Variants in CHN2 observed in about 807,000 individuals in gnomAD.
CHN2 encodes beta-chimaerin.
A neutral mutation model predicts 56.3 loss-of-function variants in CHN2; 35 were observed. That is an observed-to-expected ratio of 0.62 (90% CI 0.47 to 0.82). The LOEUF is 0.82. Ranked by LOEUF, CHN2 falls within the 40% of genes least tolerant of loss-of-function variation. The pLI, the probability that CHN2 is intolerant of heterozygous loss-of-function variation, is 0.00. For missense variants in CHN2, 491 were observed against 580.5 expected (o/e 0.85, Z 1.58); for synonymous variants, 210 against 212.8 (o/e 0.99, Z 0.12).
At chr7:29,235,725 T>C (rs1443016782) in intron 1 of CHN2, among the ~76,000 whole-genome samples, 2 of 152,230 alleles carry the variant, frequency 1.3e-5, no homozygotes, top group Non-Finnish European at 1.5e-5. Context: ...AATGAAATCA[T>C]GTCCTTTGCA....
At chr7:29,392,727 C>G (rs1228237774) in intron 3 of CHN2, among the ~76,000 whole-genome samples, 2 of 152,180 alleles carry the variant, frequency 1.3e-5, no homozygotes, top group African/African-American at 4.8e-5. Flanking sequence ...ATCATGAAAT[C>G]CTGCTACTGT....
chr7:29,276,917 T>G (rs1196094854), intron 1 of CHN2, among the ~76,000 whole-genome samples: 1 of 152,198 alleles, frequency 6.6e-6, no homozygotes, highest in African/African-American at 2.4e-5. Flanking sequence ...GATCTTGTTC[T>G]AACACAAGCC....
intron 1 of CHN2, among the ~76,000 whole-genome samples, chr7:29,294,455 G>A (rs1449268510): frequency 6.6e-6 from 1 of 152,134 alleles, no homozygotes; most frequent in Non-Finnish European, 1.5e-5. Context: ...CAGCCTTTCT[G>A]TATCCACAGA....
At chr7:29,452,741 G>A (rs1360421857) in intron 6 of CHN2, among the ~76,000 whole-genome samples, 2 of 151,694 alleles carry the variant, frequency 1.3e-5, no homozygotes, top group Non-Finnish European at 3.0e-5. Context: ...ATATAAAGCT[G>A]AATTGTCAAT....
At chr7:29,392,642 T>A (rs544655644) in intron 3 of CHN2, among the ~76,000 whole-genome samples, 1 of 152,170 alleles carries the variant, frequency 6.6e-6, no homozygotes, top group Non-Finnish European at 1.5e-5. Context: ...CCTCTTCCCC[T>A]AGCTCCTAGT....
chr7:29,298,461 C>G (rs1401339777), intron 1 of CHN2, among the ~76,000 whole-genome samples: 1 of 152,192 alleles, frequency 6.6e-6, no homozygotes, highest in Non-Finnish European at 1.5e-5. Flanking sequence ...CTTAGTCCTT[C>G]TCCAACAAGG....
upstream of CHN2, chr7:29,194,702 A>G (rs1783403883): frequency 5.0e-6 from 2 of 404,020 alleles, no homozygotes; most frequent in Non-Finnish European, 8.6e-6. Context: ...CCTGACACCC[A>G]TAGAAAAGCG....
intron 6 of CHN2, among the ~76,000 whole-genome samples, chr7:29,472,793 T>C (rs928066226): frequency 6.6e-6 from 1 of 152,098 alleles, no homozygotes; most frequent in Non-Finnish European, 1.5e-5. Flanking sequence ...TTAAAAATAA[T>C]TTTTCTGCTT....
chr7:29,332,603 C>T (rs1281160447), intron 1 of CHN2, among the ~76,000 whole-genome samples: 1 of 152,160 alleles, frequency 6.6e-6, no homozygotes, highest in Non-Finnish European at 1.5e-5. Flanking sequence ...GCCCATCCTC[C>T]ACAGTGTACT....
chr7:29,171,953 G>C (rs1483322411), intron 2 of CHN2, among the ~76,000 whole-genome samples: 1 of 152,190 alleles, frequency 6.6e-6, no homozygotes, highest in Non-Finnish European at 1.5e-5. Flanking sequence ...AGCTGTATCT[G>C]AAGTAATTGT....
chr7:29,171,060 C>T (rs1796539641), intron 2 of CHN2, among the ~76,000 whole-genome samples: 1 of 152,116 alleles, frequency 6.6e-6, no homozygotes, highest in South Asian at 2.1e-4. Flanking sequence ...CTCTATGACT[C>T]AGCTGATTTA....
At chr7:29,205,236 T>C (rs1290864452) in intron 1 of CHN2, among the ~76,000 whole-genome samples, 9 of 152,172 alleles carry the variant, frequency 5.9e-5, no homozygotes. Flanking sequence ...TGGTGTTTCT[T>C]CCTATTGCTT....
At chr7:29,409,859 G>C (rs1803037013) in intron 6 of CHN2, among the ~76,000 whole-genome samples, 1 of 152,216 alleles carries the variant, frequency 6.6e-6, no homozygotes, top group Admixed American at 6.5e-5. Flanking sequence ...GACATCTCCA[G>C]AGTGGTGTTT....
At chr7:29,466,608 A>T (rs752733) in intron 6 of CHN2, among the ~76,000 whole-genome samples, 1 of 152,170 alleles carries the variant, frequency 6.6e-6, no homozygotes, top group Non-Finnish European at 1.5e-5. Flanking sequence ...CAGAAAGTGA[A>T]TCCTTCCTTA....
intron 6 of CHN2, among the ~76,000 whole-genome samples, chr7:29,422,300 G>A (rs7777560): frequency 0.9 from 136,643 of 152,240 alleles, 61,460 homozygotes; most frequent in Middle Eastern, 0.93. Flanking sequence ...GTGACCTGAT[G>A]GATGTCAAAT....
intron 1 of CHN2, among the ~76,000 whole-genome samples, chr7:29,275,106 C>G (rs562841040): frequency 6.6e-6 from 1 of 152,284 alleles, no homozygotes; most frequent in African/African-American, 2.4e-5. Flanking sequence ...TACTTAACCT[C>G]TCTGGATCTC....
chr7:29,318,856 G>A (rs1003896928), intron 1 of CHN2, among the ~76,000 whole-genome samples: 2 of 152,200 alleles, frequency 1.3e-5, no homozygotes, highest in African/African-American at 4.8e-5. Context: ...ATCTTCCCAT[G>A]AAATAGAAAG....
chr7:29,171,644 A>G (rs1350323488), intron 2 of CHN2, among the ~76,000 whole-genome samples: 6 of 152,132 alleles, frequency 3.9e-5, no homozygotes, highest in Admixed American at 2.6e-4. Context: ...CAAACTAAAT[A>G]CTTGTCCGGA....
chr7:29,148,672 C>G (rs749935414), intron 2 of CHN2: 1 of 152,030 alleles, frequency 6.6e-6, no homozygotes, highest in Non-Finnish European at 1.5e-5. Flanking sequence ...TTTGGGGTAC[C>G]CTGTATTCGG....
Sources: allele counts gnomAD v4.1 joint callset (sites outside exome capture counted in the v4.1 genomes callset), GRCh38; gene constraint gnomAD v4.1.1; transcripts MANE v1.5; gene names NCBI Gene and HGNC (gene_info 2026-07-23, HGNC 2026-07-21).